The following CPXM2 variants were observed in gnomAD, a reference collection of about 807,000 sequenced individuals.
The protein encoded by CPXM2 is carboxypeptidase X, M14 family member 2, also known as inactive carboxypeptidase-like protein X2.
In CPXM2, 66 loss-of-function variants were observed where a neutral mutation model predicts 86.1. That is an observed-to-expected ratio of 0.77 (90% CI 0.63 to 0.94). The LOEUF (loss-of-function observed/expected upper bound fraction) is 0.94. CPXM2 is among the 40% of genes least tolerant of loss of function. The pLI is 0.00. For missense variants in CPXM2, 948 were observed against 1,026.3 expected (o/e 0.92, Z 1.04); for synonymous variants, 388 against 400.2 (o/e 0.97, Z 0.36).
At chr10:123,842,279 G>A in intron 4 of CPXM2, 70 bp downstream of exon 4, 1 of 1,589,798 alleles carries the variant, frequency 6.3e-7, no homozygotes, top group Non-Finnish European at 8.6e-7. Context: ...TTCCAGACCT[G>A]TGTCTGTCCA....
At position 123,885,500 on chromosome 10, in the gene CPXM2, T is replaced by C. The variant is rs564096789; in HGVS notation, c.305-5191A>G. Among the ~76,000 whole-genome samples, 105 of 152,330 alleles carry C rather than the reference T, an allele frequency of 6.9e-4. No homozygotes were observed. Among genetic ancestry groups the C allele is most frequent in the African/African-American group, 2.4e-3 (99 of 41,572 alleles). ...CCTGTGCCTAGCATGAACCAGGCAT[T>C]CCATACAAATCTGTGACATCAGGGG... On this transcript the variant is annotated intron_variant, in intron 1 of 13. Coordinates refer to ENST00000241305, the MANE Select transcript of CPXM2 (RefSeq NM_198148.3). This position sits in a 1 kb window ranked among gnomAD's most constrained non-coding sequence, Gnocchi z 4.0.
upstream of CPXM2, among the ~76,000 whole-genome samples, chr10:123,895,991 T>C (rs375236752): frequency 3.2e-4 from 48 of 152,226 alleles, no homozygotes; most frequent in Admixed American, 1.5e-3. Context: ...CATAAATCCA[T>C]ACTTGTCTGA....
chr10:123,797,821 T>C (rs1847366543), intron 6 of CPXM2, among the ~76,000 whole-genome samples, 155 bp downstream of exon 6: 1 of 152,126 alleles, frequency 6.6e-6, no homozygotes, highest in African/African-American at 2.4e-5. Context: ...CAGACTCAAG[T>C]GATTGATTCT....
intron 2 of CPXM2, among the ~76,000 whole-genome samples, chr10:123,866,906 T>C (rs1051071976): frequency 1.3e-5 from 2 of 152,224 alleles, no homozygotes. Flanking sequence ...TATTTTTCCC[T>C]TTGATAGCCT....
chr10:123,937,890 A>G (rs1007319178), intron 2 of CPXM2, among the ~76,000 whole-genome samples: 3 of 152,162 alleles, frequency 2.0e-5, no homozygotes. Context: ...ACAGTGACCA[A>G]CTGTGGAAGT....
At chr10:123,801,285 G>A (rs1368292789) in intron 4 of CPXM2, among the ~76,000 whole-genome samples, 1 of 152,144 alleles carries the variant, frequency 6.6e-6, no homozygotes, top group Non-Finnish European at 1.5e-5. Context: ...ACGCTCTCTT[G>A]CCTGCCGCCA....
In CPXM2 at chr10:123,934,904, C is replaced by T. The variant is rs144114848; in HGVS notation, n.174+4573G>A. Reference sequence around the variant, plus strand: ...CCTTGATACTGATGCCCAGCCTTCTCATTCTGTCAGGCCACAGTGAGGTGA... The same window carrying T: ...CCTTGATACTGATGCCCAGCCTTCTTATTCTGTCAGGCCACAGTGAGGTGA... On this transcript the variant is annotated intron_variant and non_coding_transcript_variant, in intron 2 of 19. Transcript: ENST00000368854. Among the ~76,000 whole-genome samples, 851 of 152,308 alleles carry T rather than the reference C, an allele frequency of 5.6e-3. 7 individuals carry two copies. Among genetic ancestry groups the T allele is most frequent in the African/African-American group, 0.02 (812 of 41,546 alleles).
In CPXM2 at chr10:123,907,824, G is replaced by A. The variant is rs193001899; in HGVS notation, n.175-27515C>T. Among the ~76,000 whole-genome samples the A allele has an allele frequency of 3.9e-5, 6 of 152,156 alleles. No homozygotes were observed. In the East Asian group the frequency reaches 1.2e-3, roughly 29 times the overall value. On this transcript the variant is annotated intron_variant and non_coding_transcript_variant, in intron 2 of 19. Coordinates refer to the CPXM2 transcript ENST00000368854. ...CTGCCTTCATGGAGCTTATTTTCTAGTGTGGGGACTAGGGGGATTGTGCTA... is the reference window on the plus strand; with the variant it reads ...CTGCCTTCATGGAGCTTATTTTCTAATGTGGGGACTAGGGGGATTGTGCTA...
intron 2 of CPXM2, among the ~76,000 whole-genome samples, chr10:123,923,063 A>AG (rs1028776451): frequency 7.2e-5 from 11 of 152,178 alleles, no homozygotes; most frequent in Non-Finnish European, 1.5e-4. Context: ...CTCCTGGTTC[A>AG]GGGGGAAAAG....
chr10:123,800,981 C>A (rs1482943363), intron 4 of CPXM2, among the ~76,000 whole-genome samples: 2 of 152,192 alleles, frequency 1.3e-5, no homozygotes, highest in African/African-American at 4.8e-5. Context: ...TACACTCTGA[C>A]GTGACAGTCC....
chr10:123,924,138 A>T lies in CPXM2; in HGVS notation n.174+15339T>A, dbSNP rs149421054. ...TTCACTTCTGACACCAAATGTGCAGATTTTCCATACCAAGCAGCTCACCAA... is the reference window on the plus strand; with the variant it reads ...TTCACTTCTGACACCAAATGTGCAGTTTTTCCATACCAAGCAGCTCACCAA... On this transcript the variant is annotated intron_variant and non_coding_transcript_variant, in intron 2 of 19. Transcript: ENST00000368854. Among the ~76,000 whole-genome samples, 1,231 of 152,318 alleles carry T rather than the reference A, an allele frequency of 8.1e-3. 17 individuals are homozygous for T. The highest frequency in any genetic ancestry group is 0.028 in the African/African-American group (1,158 of 41,566).
At chr10:123,922,730 G>A (rs1014821551) in intron 2 of CPXM2, among the ~76,000 whole-genome samples, 12 of 152,242 alleles carry the variant, frequency 7.9e-5, no homozygotes, top group Non-Finnish European at 1.8e-4. Flanking sequence ...TTGGGATGGG[G>A]AGGGAAGTTC....
chr10:123,847,818 C>A (rs1848527914), intron 3 of CPXM2, among the ~76,000 whole-genome samples: 1 of 152,148 alleles, frequency 6.6e-6, no homozygotes, highest in African/African-American at 2.4e-5. Flanking sequence ...ATGCAAAGGG[C>A]TTTGATTTCT....
intron 4 of CPXM2, among the ~76,000 whole-genome samples, chr10:123,842,069 C>T (rs878946131): frequency 6.6e-5 from 10 of 152,322 alleles, no homozygotes; most frequent in Admixed American, 2.0e-4. Flanking sequence ...CTGCCTAAAC[C>T]GCCTGGATTT....
At chr10:123,777,634 C>T (rs1252235176) in intron 7 of CPXM2, 1 of 153,252 alleles carries the variant, frequency 6.5e-6, no homozygotes, top group Non-Finnish European at 1.5e-5. Context: ...CAGAACACAC[C>T]TGTCGGCTCT....
intron 3 of CPXM2, among the ~76,000 whole-genome samples, chr10:123,854,027 T>C (rs1382123565): frequency 6.6e-6 from 1 of 151,850 alleles, no homozygotes; most frequent in Non-Finnish European, 1.5e-5. Context: ...TATTGTGTCC[T>C]TGAAGCACTA....
intron 3 of CPXM2, among the ~76,000 whole-genome samples, chr10:123,861,631 C>T (rs1848850900): frequency 6.6e-6 from 1 of 152,096 alleles, no homozygotes; most frequent in South Asian, 2.1e-4. Context: ...GAACAGAGAA[C>T]CAGACAGGCA....
intron 2 of CPXM2, among the ~76,000 whole-genome samples, chr10:123,904,534 C>T (rs1047187208): frequency 2.6e-5 from 4 of 152,098 alleles, no homozygotes; most frequent in Non-Finnish European, 5.9e-5. Flanking sequence ...GTCAGGGGGC[C>T]AAATTATATT....
chr10:123,781,591 C>G (rs777305014), intron 6 of CPXM2, among the ~76,000 whole-genome samples: 4 of 152,164 alleles, frequency 2.6e-5, no homozygotes, highest in Admixed American at 6.5e-5. Flanking sequence ...TCTGTTTAAC[C>G]CAGTGGCTCC....
Sources: allele counts gnomAD v4.1 joint callset (sites outside exome capture counted in the v4.1 genomes callset), GRCh38; gene constraint gnomAD v4.1.1; non-coding constraint Gnocchi (gnomAD v3.1); transcripts MANE v1.5; gene names NCBI Gene and HGNC (gene_info 2026-07-23, HGNC 2026-07-21).